The following EPS8 variants were observed in gnomAD, a reference collection of about 807,000 sequenced individuals.
The protein encoded by EPS8 is EGFR pathway substrate 8, signaling adaptor, also known as epidermal growth factor receptor kinase substrate 8.
A neutral mutation model predicts 103.8 loss-of-function variants in EPS8; 42 were observed. The ratio of observed to expected loss-of-function variants is 0.40; its 90% CI spans 0.32 to 0.52. EPS8 has a LOEUF of 0.52. Ranked by LOEUF, EPS8 falls within the 20% of genes least tolerant of loss-of-function variation. EPS8 has a pLI of 0.40. For synonymous variants in EPS8, 344 were observed against 344.6 expected (o/e 1.00, Z 0.02); for missense variants, 969 against 1,005.1 (o/e 0.96, Z 0.49).
intron 1 of EPS8, among the ~76,000 whole-genome samples, chr12:15,685,249 G>A (rs1946075532): frequency 6.6e-6 from 1 of 152,106 alleles, no homozygotes. Context: ...TAAGCCTCTG[G>A]CCTCTGTCTC....
At chr12:15,755,418 G>A (rs983510546) in intron 1 of EPS8, among the ~76,000 whole-genome samples, 2 of 152,134 alleles carry the variant, frequency 1.3e-5, no homozygotes, top group African/African-American at 2.4e-5. Flanking sequence ...CCACCAAGAT[G>A]AGCTTCTGAC....
At chr12:15,756,719 T>C (rs1946989734) in intron 1 of EPS8, among the ~76,000 whole-genome samples, 1 of 152,190 alleles carries the variant, frequency 6.6e-6, no homozygotes, top group Admixed American at 6.5e-5. Context: ...AGCTCACTAT[T>C]TCTTATTTAC....
At chr12:15,742,441 A>T (rs1836169732) in intron 1 of EPS8, among the ~76,000 whole-genome samples, 1 of 152,080 alleles carries the variant, frequency 6.6e-6, no homozygotes, top group Non-Finnish European at 1.5e-5. Context: ...CTGTGGTTTT[A>T]ATTTGCATTT....
chr12:15,702,652 C>T lies in EPS8; in HGVS notation c.-21-19680G>A, dbSNP rs61625319. ...AAATATGAAGAAAAAAATTGCATGCCTAATATTTTTACCTATATCCAAAAC... is the reference window on the plus strand; with the variant it reads ...AAATATGAAGAAAAAAATTGCATGCTTAATATTTTTACCTATATCCAAAAC... On this transcript the variant is annotated intron_variant, in intron 1 of 20. Transcript: ENST00000281172. This position sits in a 1 kb window ranked among gnomAD's most constrained non-coding sequence, Gnocchi z 5.1. Among the ~76,000 whole-genome samples, 1 of 146,310 alleles carries T rather than the reference C, an allele frequency of 6.8e-6. No individual in the cohort carries two copies. The highest frequency in any genetic ancestry group is 1.5e-5 in the Non-Finnish European group (1 of 67,892).
chr12:15,669,748 A>C lies in EPS8; in HGVS notation c.282T>G (p.Leu94=), dbSNP rs1945782046. The C allele has an allele frequency of 6.2e-7, 1 of 1,613,682 alleles. No individual in the cohort carries two copies. The highest frequency in any genetic ancestry group is 1.3e-5 in the African/African-American group (1 of 74,926). The change falls in exon 5 of 21, where the codon CTT becomes CTG. Residue 94 remains leucine, a synonymous_variant. Coordinates refer to ENST00000281172, the MANE Select transcript of EPS8 (RefSeq NM_004447.6). ...VDDGIRKLKL[L]DAKGKVWTQD... Reference sequence around the variant, plus strand: ...GAGTCCACACTTTGCCCTTGGCATCAAGCAATTTCAATTTCCTTATTCCAT... The same window carrying C: ...GAGTCCACACTTTGCCCTTGGCATCCAGCAATTTCAATTTCCTTATTCCAT...
At chr12:15,682,226 G>C (rs1946020789) in intron 2 of EPS8, among the ~76,000 whole-genome samples, 1 of 152,286 alleles carries the variant, frequency 6.6e-6, no homozygotes, top group Non-Finnish European at 1.5e-5. Flanking sequence ...CGAATGACTG[G>C]AGAAGCTGTG....
rs187726046 is a variant in EPS8 at position 15,748,149 on chromosome 12, C to A, written c.-22+41012G>T. ...AACCCACAGTCAAATCTCAGAGCCTCTTATCCTCAGATTCCTTAACAGCAA... is the reference window on the plus strand; with the variant it reads ...AACCCACAGTCAAATCTCAGAGCCTATTATCCTCAGATTCCTTAACAGCAA... On this transcript the variant is annotated intron_variant, in intron 1 of 20. Coordinates refer to ENST00000281172, the MANE Select transcript of EPS8 (RefSeq NM_004447.6). This position sits in a 1 kb window ranked among gnomAD's most constrained non-coding sequence, Gnocchi z 4.8. 2.0e-5 allele frequency among the ~76,000 whole-genome samples: 3 copies of A among 152,272 alleles called. No homozygotes were observed. The East Asian group carries it at 5.8e-4, about 29-fold the overall frequency.
At chr12:15,626,669 C>G (rs947634000) in intron 18 of EPS8, among the ~76,000 whole-genome samples, 1 of 151,540 alleles carries the variant, frequency 6.6e-6, no homozygotes, top group Non-Finnish European at 1.5e-5. Context: ...GATGTTGCAG[C>G]CCCTCTGCTC....
At chr12:15,708,275 G>A (rs1946415122) in intron 1 of EPS8, among the ~76,000 whole-genome samples, 1 of 152,190 alleles carries the variant, frequency 6.6e-6, no homozygotes, top group Non-Finnish European at 1.5e-5. Context: ...TGTAAAGACA[G>A]TAATAATACC....
At chr12:15,692,318 G>GTT (rs796131633) in intron 1 of EPS8, among the ~76,000 whole-genome samples, 19 of 62,170 alleles carry the variant, frequency 3.1e-4, no homozygotes, top group African/African-American at 7.5e-4. Flanking sequence ...AAAGAGGTTT[G>GTT]GTTTTTTTTT....
At chr12:15,640,999 T>C (rs926172828) in intron 16 of EPS8, among the ~76,000 whole-genome samples, 153 bp from the exon 17 acceptor site, 2 of 151,568 alleles carry the variant, frequency 1.3e-5, no homozygotes, top group East Asian at 1.9e-4. Flanking sequence ...GGAATTACAC[T>C]AAGAAGACAT....
chr12:15,626,600 G>C (rs1378818199), intron 18 of EPS8, among the ~76,000 whole-genome samples: 1 of 139,322 alleles, frequency 7.2e-6, no homozygotes, highest in Non-Finnish European at 1.5e-5. Context: ...CTGTATTCCA[G>C]CCTGGCAACA....
Position 15,682,978 on chromosome 12 carries a change from A to G in EPS8, c.-21-6T>C. 3 of 1,512,238 alleles carry G rather than the reference A, an allele frequency of 2.0e-6. No homozygotes were observed. The highest frequency in any genetic ancestry group is 1.4e-5 in the African/African-American group (1 of 71,172). The allele number at this position is 1,512,238 out of a possible 1,614,324, so 93.7% of individuals were successfully genotyped here. A position where few individuals can be genotyped will look rare whatever the true frequency, so the allele number is the denominator to read the frequency against. On this transcript the variant is annotated splice_polypyrimidine_tract_variant and splice_region_variant and intron_variant, in intron 1 of 20. Coordinates refer to ENST00000281172, the MANE Select transcript of EPS8 (RefSeq NM_004447.6). ...GTGTCTTTCACTTGTGTGTTCTAAA[A>G]AAAGAAAGACACATAGATTAAAGGC...
intron 1 of EPS8, among the ~76,000 whole-genome samples, chr12:15,770,253 C>T (rs2136042077): frequency 7.8e-6 from 1 of 128,446 alleles, no homozygotes; most frequent in African/African-American, 3.0e-5. Context: ...CACACCACTG[C>T]ACTCCAGCCT....
intron 1 of EPS8, among the ~76,000 whole-genome samples, chr12:15,685,362 A>T (rs1156898788): frequency 6.6e-6 from 1 of 151,324 alleles, no homozygotes; most frequent in African/African-American, 2.4e-5. Context: ...TCCAAAACTG[A>T]AAAAAAAAGA....
At chr12:15,686,918 G>A (rs1946103374) in intron 1 of EPS8, among the ~76,000 whole-genome samples, 1 of 152,038 alleles carries the variant, frequency 6.6e-6, no homozygotes, top group Non-Finnish European at 1.5e-5. Flanking sequence ...ATCTACAGAA[G>A]TGTGTTTTTG....
At position 15,787,762 on chromosome 12, in the gene EPS8, C is replaced by A. The variant is rs1188954549; in HGVS notation, c.-22+1399G>T. 6.6e-6 allele frequency among the ~76,000 whole-genome samples: 1 copy of A among 152,134 alleles called. No homozygotes were observed. Among genetic ancestry groups the A allele is most frequent in the Admixed American group, 6.5e-5 (1 of 15,278 alleles). On this transcript the variant is annotated intron_variant, in intron 1 of 20. Transcript: ENST00000281172. The surrounding 1 kb of genome is among the most constrained non-coding windows in gnomAD (Gnocchi z 4.9). Reference sequence around the variant, plus strand: ...TATTATCACTATTGCATTTGTGATACATTCTACCTTACCCTTTATGTGACA... The same window carrying A: ...TATTATCACTATTGCATTTGTGATAAATTCTACCTTACCCTTTATGTGACA...
Position 15,785,440 on chromosome 12 carries a change from G to A in EPS8, c.-22+3721C>T, listed in dbSNP as rs1028033947. Reference sequence around the variant, plus strand: ...CAAACCAGGTTTCTTCTCACTGTTGGAGTAAGTTTACATATAAACAAAGGG... The same window carrying A: ...CAAACCAGGTTTCTTCTCACTGTTGAAGTAAGTTTACATATAAACAAAGGG... On this transcript the variant is annotated intron_variant, in intron 1 of 20. Coordinates refer to ENST00000281172, the MANE Select transcript of EPS8 (RefSeq NM_004447.6). The surrounding 1 kb of genome is among the most constrained non-coding windows in gnomAD (Gnocchi z 4.9). Among the ~76,000 whole-genome samples, 3 of 152,116 alleles carry A rather than the reference G, an allele frequency of 2.0e-5. No individual in the cohort carries two copies. The highest frequency in any genetic ancestry group is 2.0e-4 in the Admixed American group (3 of 15,276).
rs1946885569 is a variant in EPS8 at position 15,747,356 on chromosome 12, A to G, written c.-22+41805T>C. On this transcript the variant is annotated intron_variant, in intron 1 of 20. Coordinates refer to ENST00000281172, the MANE Select transcript of EPS8 (RefSeq NM_004447.6). The surrounding 1 kb of genome is among the most constrained non-coding windows in gnomAD (Gnocchi z 4.4). ...TATATATAGCTAATATGGTTATCAG[A>G]AAGTGCTTAATCTTAGTACATTAAC... Among the ~76,000 whole-genome samples the G allele has an allele frequency of 6.6e-6, 1 of 152,188 alleles. No individual in the cohort carries two copies. Among genetic ancestry groups the G allele is most frequent in the Admixed American group, 6.5e-5 (1 of 15,286 alleles).
Sources: gnomAD v4.1 joint callset for allele counts (sites outside exome capture counted in the v4.1 genomes callset) on GRCh38, gnomAD v4.1.1 for gene constraint, Gnocchi (gnomAD v3.1) non-coding constraint, MANE v1.5 for transcripts, NCBI Gene and HGNC (gene_info 2026-07-23, HGNC 2026-07-21) for gene names.